Variants in KLHL32 observed in about 807,000 individuals in gnomAD.
The protein encoded by KLHL32 is kelch like family member 32, also known as kelch-like protein 32.
Under a neutral mutation model 64.8 loss-of-function variants are expected in KLHL32, and 35 were observed. The ratio of observed to expected loss-of-function variants is 0.54; its 90% CI spans 0.41 to 0.72. KLHL32 has a LOEUF of 0.72. KLHL32 is among the 30% of genes least tolerant of loss of function. The pLI is 0.00. For missense variants in KLHL32, 589 were observed against 768.5 expected (o/e 0.77, Z 2.76); for synonymous variants, 259 against 281.0 (o/e 0.92, Z 0.78).
intron 3 of KLHL32, among the ~76,000 whole-genome samples, chr6:96,998,958 T>C (rs1778706565): frequency 1.3e-5 from 2 of 152,136 alleles, no homozygotes; most frequent in Non-Finnish European, 2.9e-5. Flanking sequence ...ACAACGTTAG[T>C]TAGAAATTGA....
In KLHL32 at chr6:96,986,433, C is replaced by T. The variant is rs181824761; in HGVS notation, c.204+10256C>T. Among the ~76,000 whole-genome samples the T allele has an allele frequency of 2.0e-5, 3 of 152,360 alleles. No homozygotes were observed. The East Asian group carries it at 5.8e-4, about 29-fold the overall frequency. The stretch of plus-strand genomic sequence containing the variant: ...GGGACATTTAAGTCTGCAAAGGATT[C>T]TGCTGCCTTTTGTTTGGCTGTGCCC... On this transcript the variant is annotated intron_variant, in intron 3 of 10. Coordinates refer to ENST00000369261, the MANE Select transcript of KLHL32 (RefSeq NM_052904.4).
At chr6:97,056,014 T>C (rs1017212061) in intron 4 of KLHL32, among the ~76,000 whole-genome samples, 5 of 151,630 alleles carry the variant, frequency 3.3e-5, no homozygotes, top group African/African-American at 1.2e-4. Context: ...CAGTCACAAA[T>C]ATTGCCAAAT....
intron 3 of KLHL32, among the ~76,000 whole-genome samples, chr6:96,989,447 G>T (rs1777576762): frequency 1.3e-5 from 2 of 152,098 alleles, no homozygotes; most frequent in South Asian, 2.1e-4. Context: ...GGCTTGTAGG[G>T]TTTCTTTTGA....
chr6:97,051,402 A>C (rs1009438353), intron 4 of KLHL32, among the ~76,000 whole-genome samples: 2 of 152,190 alleles, frequency 1.3e-5, no homozygotes, highest in African/African-American at 4.8e-5. Flanking sequence ...TGGGGCAATA[A>C]ACAGTCTTTC....
intron 3 of KLHL32, among the ~76,000 whole-genome samples, chr6:97,006,553 TTG>T (rs1779690334): frequency 6.6e-6 from 1 of 152,146 alleles, no homozygotes; most frequent in Non-Finnish European, 1.5e-5. Flanking sequence ...TGTCATCGTG[TTG>T]TTAGCTGGTT....
chr6:97,060,025 G>T (rs577042399), intron 4 of KLHL32, among the ~76,000 whole-genome samples: 1 of 152,170 alleles, frequency 6.6e-6, no homozygotes, highest in Non-Finnish European at 1.5e-5. Context: ...TTGCAAAAGC[G>T]TGTTGTTCAT....
At chr6:96,900,479 C>T in the KLHL32 span, among the ~76,000 whole-genome samples, 7 of 152,270 alleles carry the variant, frequency 4.6e-5, no homozygotes, top group East Asian at 1.9e-4. Flanking sequence ...TGCTGATTAA[C>T]GTGCTCAGCA....
intron 10 of KLHL32, among the ~76,000 whole-genome samples, chr6:97,135,820 A>G (rs1799945424): frequency 6.6e-6 from 1 of 152,176 alleles, no homozygotes; most frequent in South Asian, 2.1e-4. Context: ...TGGTTTCAAT[A>G]CACTAACAGT....
At chr6:97,032,159 A>C (rs552041462) in intron 3 of KLHL32, among the ~76,000 whole-genome samples, 2 of 152,236 alleles carry the variant, frequency 1.3e-5, no homozygotes, top group African/African-American at 4.8e-5. Context: ...ATAGTTCTGA[A>C]CATTAAAAAT....
intron 1 of KLHL32, among the ~76,000 whole-genome samples, chr6:96,929,645 C>A (rs1411624816): frequency 6.6e-6 from 1 of 152,140 alleles, no homozygotes; most frequent in Non-Finnish European, 1.5e-5. Context: ...AGGAGCTGAG[C>A]AATGTGAAAT....
intron 3 of KLHL32, among the ~76,000 whole-genome samples, chr6:97,009,810 C>T (rs960520514): frequency 3.9e-5 from 6 of 152,112 alleles, no homozygotes; most frequent in African/African-American, 1.2e-4. Context: ...TCTTCTTAAT[C>T]TTAATTCTAG....
At chr6:97,002,552 T>A (rs531618154) in intron 3 of KLHL32, among the ~76,000 whole-genome samples, 1 of 152,310 alleles carries the variant, frequency 6.6e-6, no homozygotes, top group African/African-American at 2.4e-5. Context: ...AGGAGTTTGG[T>A]GTACAGATTA....
chr6:96,989,585 G>C (rs1021226228), intron 3 of KLHL32, among the ~76,000 whole-genome samples: 4 of 152,086 alleles, frequency 2.6e-5, no homozygotes, highest in African/African-American at 9.7e-5. Context: ...TCTTGGGGAT[G>C]GTCGTCTTGT....
At chr6:96,978,506 A>G (rs1775954150) in intron 3 of KLHL32, among the ~76,000 whole-genome samples, 2 of 152,110 alleles carry the variant, frequency 1.3e-5, no homozygotes, top group Admixed American at 6.6e-5. Flanking sequence ...AGTATTCCAC[A>G]ATATATACAT....
chr6:96,977,125 AGCACTTCTT>A (rs1775791072), intron 3 of KLHL32, among the ~76,000 whole-genome samples: 2 of 152,262 alleles, frequency 1.3e-5, no homozygotes, highest in African/African-American at 4.8e-5. Flanking sequence ...GCCACTTATT[AGCACTTCTT>A]GTGATTCACA....
At chr6:97,096,439 A>G (rs1795001405) in intron 6 of KLHL32, among the ~76,000 whole-genome samples, 2 of 152,240 alleles carry the variant, frequency 1.3e-5, no homozygotes, top group African/African-American at 4.8e-5. Flanking sequence ...GCTTATTTTC[A>G]CCACTCCAAG....
intron 3 of KLHL32, among the ~76,000 whole-genome samples, chr6:96,981,487 C>A (rs375169535): frequency 5.3e-5 from 8 of 151,734 alleles, no homozygotes; most frequent in African/African-American, 1.7e-4. Context: ...CTTATTTATT[C>A]TTTTGAAGAA....
At chr6:97,105,301 A>G (rs1796255887) in intron 6 of KLHL32, 1 of 380,960 alleles carries the variant, frequency 2.6e-6, no homozygotes, top group Non-Finnish European at 5.3e-6. Flanking sequence ...ATCATCATCC[A>G]TTCTATTAAA....
chr6:97,086,482 G>A (rs1295591648), intron 6 of KLHL32, among the ~76,000 whole-genome samples: 4 of 152,138 alleles, frequency 2.6e-5, no homozygotes, highest in Non-Finnish European at 1.5e-5. Flanking sequence ...CTTATTGACA[G>A]CAGGCCTGAA....
Sources: gnomAD v4.1 joint callset for allele counts (sites outside exome capture counted in the v4.1 genomes callset) on GRCh38, gnomAD v4.1.1 for gene constraint, MANE v1.5 for transcripts, NCBI Gene and HGNC (gene_info 2026-07-23, HGNC 2026-07-21) for gene names.